The following IFT88 variants were observed in gnomAD, a reference collection of about 807,000 sequenced individuals.
The protein encoded by IFT88 is intraflagellar transport protein 88 homolog.
IFT88 carries 74 observed loss-of-function variants against 119.5 expected under a neutral mutation model. The observed-to-expected ratio is 0.62, with a 90% CI of 0.51 to 0.75. The LOEUF is 0.75. IFT88 is among the 30% of genes least tolerant of loss of function. The probability of loss-of-function intolerance (pLI) is 0.00; values close to 1 mark genes in which losing one functional copy is unlikely to be tolerated. For missense variants in IFT88, 961 were observed against 977.7 expected (o/e 0.98, Z 0.23); for synonymous variants, 279 against 316.7 (o/e 0.88, Z 1.26).
intron 16 of IFT88, among the ~76,000 whole-genome samples, chr13:20,636,112 C>T (rs977297109): frequency 1.3e-5 from 2 of 152,144 alleles, no homozygotes; most frequent in Non-Finnish European, 2.9e-5. Flanking sequence ...CATGTCTCAA[C>T]AGCTGCATCC....
At chr13:20,587,828 T>A (rs1288082170) in intron 3 of IFT88, among the ~76,000 whole-genome samples, 2 of 152,148 alleles carry the variant, frequency 1.3e-5, no homozygotes, top group South Asian at 2.1e-4. Context: ...TCTTTTTACT[T>A]CCAACTTTTC....
chr13:20,638,387 G>T lies in IFT88; in HGVS notation c.1442G>T (p.Arg481Ile), dbSNP rs2049346904. 2.7e-6 allele frequency: 4 copies of T among 1,500,040 alleles called. No individual in the cohort carries two copies. The highest frequency in any genetic ancestry group is 2.9e-5 in the African/African-American group (2 of 69,768). 92.9% of individuals were successfully genotyped at this position (1,500,040 alleles called of 1,614,324 possible). A position where few individuals can be genotyped will look rare whatever the true frequency, so the allele number is the denominator to read the frequency against. ...SYADIAVNSD[R>I]YNPAALTNKG... The stretch of plus-strand genomic sequence containing the variant: ...GCAGATATAGCTGTGAACTCTGATA[G>T]ATATAATCCAGCAGCTCTTACTAAT... The change falls in exon 17 of 26, where the codon AGA becomes ATA. Residue 481 changes from arginine (R) to isoleucine (I), a missense_variant. Transcript: ENST00000351808.
chr13:20,583,062 T>A lies in IFT88; in HGVS notation c.153+43T>A, dbSNP rs754782140. 8.7e-5 allele frequency: 104 copies of A among 1,199,314 alleles called. 1 individual carries two copies. In the Middle Eastern group the frequency reaches 1.3e-3, roughly 15 times the overall value. 74.3% of individuals were successfully genotyped at this position (1,199,314 alleles called of 1,614,324 possible). On this transcript the variant is annotated intron_variant, in intron 3 of 25. Transcript: ENST00000351808. ...TTTTTAAATTGTGGTAAAAAATACA[T>A]AACATGAAATTTACCAGATTAACCA...
At chr13:20,687,022 C>CA (rs370247448) in intron 24 of IFT88, among the ~76,000 whole-genome samples, 1,907 of 59,616 alleles carry the variant, frequency 0.032, 165 homozygotes, top group East Asian at 0.036. Flanking sequence ...ACTTTCTTAC[C>CA]AAAAAAAAAA....
Position 20,621,726 on chromosome 13 carries a change from T to G in IFT88, c.1200-4024T>G, listed in dbSNP as rs190048764. ...AGTATGGTACATTTGTTACAATCAA[T>G]GAACCAATATTCACATAGTATTACC... On this transcript the variant is annotated intron_variant, in intron 14 of 25. Transcript: ENST00000351808. Among the ~76,000 whole-genome samples, 4 of 152,286 alleles carry G rather than the reference T, an allele frequency of 2.6e-5. No homozygotes were observed. The East Asian group carries it at 7.7e-4, about 29-fold the overall frequency.
intron 16 of IFT88, among the ~76,000 whole-genome samples, chr13:20,633,618 G>A (rs566361554): frequency 1.3e-5 from 2 of 152,262 alleles, no homozygotes; most frequent in Admixed American, 1.3e-4. Flanking sequence ...CAAGTTTGAC[G>A]ACTGTGCAGG....
chr13:20,649,291 A>G (rs1255467275), intron 20 of IFT88, among the ~76,000 whole-genome samples: 1 of 152,124 alleles, frequency 6.6e-6, no homozygotes, highest in Non-Finnish European at 1.5e-5. Flanking sequence ...AAAAGATTGA[A>G]CTCATACAAA....
At chr13:20,598,845 GATCTATGCTCTA>G in intron 10 of IFT88, 92 bp downstream of exon 10, 1 of 751,838 alleles carries the variant, frequency 1.3e-6, no homozygotes, top group East Asian at 2.6e-5. Flanking sequence ...AAAATGAAAT[GATCTATGCTCTA>G]AACAAATCAG....
intron 12 of IFT88, among the ~76,000 whole-genome samples, chr13:20,604,358 C>T (rs2043079886): frequency 6.6e-6 from 1 of 152,098 alleles, no homozygotes; most frequent in South Asian, 2.1e-4. Context: ...GTAAAATCAT[C>T]TGTGTTTTTA....
chr13:20,625,171 A>T (rs2047116636), intron 14 of IFT88, among the ~76,000 whole-genome samples: 1 of 152,176 alleles, frequency 6.6e-6, no homozygotes, highest in Non-Finnish European at 1.5e-5. Context: ...TTGGGTTCAA[A>T]TTCTTAGTTG....
intron 24 of IFT88, among the ~76,000 whole-genome samples, chr13:20,682,501 A>T (rs1253019861): frequency 6.6e-6 from 1 of 152,180 alleles, no homozygotes; most frequent in Non-Finnish European, 1.5e-5. Flanking sequence ...GTCCCCTGGT[A>T]ATTTTTGAAA....
chr13:20,641,592 G>A (rs1457863873), intron 18 of IFT88, 194 bp downstream of exon 18: 18 of 427,460 alleles, frequency 4.2e-5, no homozygotes, highest in Non-Finnish European at 5.8e-5. Context: ...AGTTTGCATC[G>A]AAAGAGGAAT....
intron 2 of IFT88, 127 bp from the exon 3 acceptor site, chr13:20,582,830 T>G: frequency 3.1e-6 from 2 of 646,806 alleles, no homozygotes; most frequent in East Asian, 2.6e-5. Flanking sequence ...GAGGTAGGAG[T>G]CCTAGATGTC....
intron 20 of IFT88, among the ~76,000 whole-genome samples, chr13:20,652,700 T>C (rs1040645671): frequency 1.3e-5 from 2 of 152,162 alleles, no homozygotes; most frequent in African/African-American, 4.8e-5. Flanking sequence ...GAAGTCATTA[T>C]ACTTACCTTT....
At chr13:20,632,993 C>T (rs897093973) in intron 16 of IFT88, among the ~76,000 whole-genome samples, 1 of 152,168 alleles carries the variant, frequency 6.6e-6, no homozygotes, top group Non-Finnish European at 1.5e-5. Flanking sequence ...ATCCAAACCC[C>T]TGGTTGAAGA....
chr13:20,635,512 G>A (rs1798654383), intron 16 of IFT88, among the ~76,000 whole-genome samples: 1 of 152,342 alleles, frequency 6.6e-6, no homozygotes, highest in Non-Finnish European at 1.5e-5. Context: ...CTTGATTAGG[G>A]CCCAGCTCTG....
chr13:20,640,116 T>C (rs549085708), intron 17 of IFT88, among the ~76,000 whole-genome samples: 1 of 152,232 alleles, frequency 6.6e-6, no homozygotes, highest in East Asian at 1.9e-4. Context: ...ATAATTGTGG[T>C]TATTGCTTTA....
chr13:20,618,912 A>T (rs1038855085), intron 14 of IFT88, among the ~76,000 whole-genome samples: 1 of 147,624 alleles, frequency 6.8e-6, no homozygotes, highest in African/African-American at 2.5e-5. Context: ...GCTGGAGTGC[A>T]GTGGTGCAAT....
chr13:20,682,399 G>A (rs1034371437), intron 24 of IFT88, among the ~76,000 whole-genome samples: 2 of 152,204 alleles, frequency 1.3e-5, no homozygotes, highest in Non-Finnish European at 2.9e-5. Context: ...TAATTGACAA[G>A]GGCTAGTGAG....
Sources: gnomAD v4.1 joint callset for allele counts (sites outside exome capture counted in the v4.1 genomes callset) on GRCh38, gnomAD v4.1.1 for gene constraint, MANE v1.5 for transcripts, NCBI Gene and HGNC (gene_info 2026-07-23, HGNC 2026-07-21) for gene names.